The following DENND1A variants were observed in gnomAD, a reference collection of about 807,000 sequenced individuals.
DENND1A encodes the protein DENN domain-containing protein 1A.
DENND1A carries 51 observed loss-of-function variants against 113.7 expected under a neutral mutation model. The ratio of observed to expected loss-of-function variants is 0.45; its 90% CI spans 0.36 to 0.57. DENND1A has a LOEUF of 0.57. Among genes scored for constraint, DENND1A ranks in the 20% least tolerant of loss-of-function variants. DENND1A has a pLI of 0.00. For missense variants in DENND1A, 1,258 were observed against 1,395.9 expected (o/e 0.90, Z 1.57); for synonymous variants, 565 against 570.8 (o/e 0.99, Z 0.14).
At chr9:123,902,332 GA>G (rs1851805715) in intron 1 of DENND1A, among the ~76,000 whole-genome samples, 1 of 152,138 alleles carries the variant, frequency 6.6e-6, no homozygotes, top group African/African-American at 2.4e-5. Flanking sequence ...GCAGAGACAG[GA>G]ATAATTCTAA....
intron 12 of DENND1A, among the ~76,000 whole-genome samples, chr9:123,579,854 C>G (rs781150680): frequency 6.6e-6 from 1 of 152,150 alleles, no homozygotes; most frequent in African/African-American, 2.4e-5. Flanking sequence ...AAATACCTTA[C>G]AGACCACATC....
chr9:123,731,941 T>C (rs2068205925), intron 5 of DENND1A, among the ~76,000 whole-genome samples: 1 of 152,144 alleles, frequency 6.6e-6, no homozygotes, highest in African/African-American at 2.4e-5. Flanking sequence ...AAAGAAGATA[T>C]ACAAATGACA....
At chr9:123,428,046 G>A (rs966353158) in intron 19 of DENND1A, among the ~76,000 whole-genome samples, 1 of 152,254 alleles carries the variant, frequency 6.6e-6, no homozygotes, top group Non-Finnish European at 1.5e-5. Context: ...GCTCACGCCT[G>A]TAATCCCAAC....
chr9:123,535,225 G>A (rs2055651982), intron 13 of DENND1A, among the ~76,000 whole-genome samples: 1 of 152,120 alleles, frequency 6.6e-6, no homozygotes, highest in South Asian at 2.1e-4. Context: ...AACTTAAGCT[G>A]GATCATTCTA....
intron 2 of DENND1A, among the ~76,000 whole-genome samples, chr9:123,849,416 T>A (rs1215216354): frequency 6.6e-6 from 1 of 152,200 alleles, no homozygotes; most frequent in African/African-American, 2.4e-5. Context: ...GGTGCAAAAA[T>A]TATTCTGGTT....
chr9:123,775,839 C>T (rs1222651696), intron 3 of DENND1A, among the ~76,000 whole-genome samples: 1 of 152,272 alleles, frequency 6.6e-6, no homozygotes, highest in South Asian at 2.1e-4. Context: ...TTACAACACA[C>T]GAAAAAGCAG....
Position 123,651,518 on chromosome 9 carries a change from A to G in DENND1A, c.618+495T>C, listed in dbSNP as rs189410986. Among the ~76,000 whole-genome samples the G allele has an allele frequency of 2.5e-3, 375 of 152,384 alleles. 1 individual carries two copies. Among genetic ancestry groups the G allele is most frequent in the Non-Finnish European group, 4.4e-3 (299 of 68,040 alleles). On this transcript the variant is annotated intron_variant, in intron 9 of 23. Transcript: ENST00000394215. ...AACAAGCACCGCCTGTTTGCAAAGCAATTTGGCAGTCCCTAAGTCATAGCG... is the reference window on the plus strand; with the variant it reads ...AACAAGCACCGCCTGTTTGCAAAGCGATTTGGCAGTCCCTAAGTCATAGCG...
chr9:123,707,892 G>C (rs544995754), intron 5 of DENND1A, among the ~76,000 whole-genome samples: 20 of 152,306 alleles, frequency 1.3e-4, no homozygotes, highest in Non-Finnish European at 2.6e-4. Context: ...ATCAAGTAGA[G>C]AGGGGGAAAT....
At chr9:123,714,992 G>A (rs1397091212) in intron 5 of DENND1A, among the ~76,000 whole-genome samples, 1 of 152,112 alleles carries the variant, frequency 6.6e-6, no homozygotes, top group Non-Finnish European at 1.5e-5. Flanking sequence ...GACCAGCCTG[G>A]CCAACATGGC....
At chr9:123,787,813 G>A (rs1172881438) in intron 3 of DENND1A, among the ~76,000 whole-genome samples, 2 of 152,060 alleles carry the variant, frequency 1.3e-5, no homozygotes, top group African/African-American at 4.8e-5. Context: ...AATGTGCCAT[G>A]TTTCTACATT....
intron 1 of DENND1A, among the ~76,000 whole-genome samples, chr9:123,905,715 G>T (rs1396117680): frequency 6.6e-6 from 1 of 151,310 alleles, no homozygotes; most frequent in African/African-American, 2.4e-5. Context: ...AGCAAGTCCT[G>T]AGTGACCTAC....
intron 9 of DENND1A, among the ~76,000 whole-genome samples, chr9:123,632,735 C>T (rs1182194608): frequency 6.6e-6 from 1 of 152,116 alleles, no homozygotes; most frequent in African/African-American, 2.4e-5. Flanking sequence ...CCTTGGAATA[C>T]ATCACTTAGA....
chr9:123,805,412 AC>A (rs1271131819), intron 2 of DENND1A, among the ~76,000 whole-genome samples: 2 of 151,372 alleles, frequency 1.3e-5, no homozygotes, highest in African/African-American at 4.9e-5. Flanking sequence ...TACCATATAC[AC>A]ATAGCCTGAA....
intron 18 of DENND1A, among the ~76,000 whole-genome samples, chr9:123,450,043 G>GAAAAAAAAAAAAAA (rs112846577): frequency 1.7e-5 from 2 of 119,730 alleles, no homozygotes. Flanking sequence ...GATAAAAAAA[G>GAAAAAAAAAAAAAA]AAAAAAAAAA....
chr9:123,783,972 G>A (rs554275686), intron 3 of DENND1A, among the ~76,000 whole-genome samples: 87 of 152,272 alleles, frequency 5.7e-4, no homozygotes, highest in Admixed American at 5.2e-3. Flanking sequence ...ATTTCATCAG[G>A]GCAAGTTTCA....
intron 2 of DENND1A, chr9:123,842,894 T>A (rs1448227705): frequency 7.5e-6 from 2 of 265,882 alleles, no homozygotes; most frequent in South Asian, 7.7e-5. Context: ...ATACACACCA[T>A]GACCAAGTGA....
intron 10 of DENND1A, among the ~76,000 whole-genome samples, chr9:123,627,738 T>TAAAAAAA (rs2061295998): frequency 1.2e-5 from 1 of 82,396 alleles, no homozygotes; most frequent in African/African-American, 5.7e-5. Context: ...AAACTCTGTC[T>TAAAAAAA]CAAAAAAAAA....
At chr9:123,541,183 T>C (rs2056262161) in intron 13 of DENND1A, among the ~76,000 whole-genome samples, 1 of 152,222 alleles carries the variant, frequency 6.6e-6, no homozygotes. Context: ...AGGGTCTTGG[T>C]AAATGTTTGA....
intron 2 of DENND1A, among the ~76,000 whole-genome samples, chr9:123,825,692 A>G (rs1839207773): frequency 6.6e-6 from 1 of 152,276 alleles, no homozygotes; most frequent in Non-Finnish European, 1.5e-5. Flanking sequence ...GGTAAATTGT[A>G]TCTAATTCTG....
Sources: gnomAD v4.1 joint callset for allele counts (sites outside exome capture counted in the v4.1 genomes callset) on GRCh38, gnomAD v4.1.1 for gene constraint, MANE v1.5 for transcripts, NCBI Gene and HGNC (gene_info 2026-07-23, HGNC 2026-07-21) for gene names.